Variants in MED13L observed in about 807,000 individuals in gnomAD.
MED13L encodes mediator complex subunit 13L, also known as mediator of RNA polymerase II transcription subunit 13-like.
Under a neutral mutation model 220.9 loss-of-function variants are expected in MED13L, and 7 were observed. The observed-to-expected ratio is 0.03, with a 90% CI of 0.02 to 0.06. The LOEUF (loss-of-function observed/expected upper bound fraction) is 0.06, where lower values mean the gene tolerates loss of function less well. Ranked by LOEUF, MED13L falls within the 10% of genes least tolerant of loss-of-function variation. The pLI is 1.00. For synonymous variants in MED13L, 1,011 were observed against 1,015.2 expected, an observed-to-expected ratio of 1.00 and a Z score of 0.08; for missense variants, 1,965 against 2,760.5, an observed-to-expected ratio of 0.71 and a Z score of 6.46.
At chr12:115,968,866 T>C (rs752042398) in intron 28 of MED13L, 74 bp downstream of exon 28, 16 of 1,565,758 alleles carry the variant, frequency 1.0e-5, no homozygotes, top group Non-Finnish European at 1.4e-5. Context: ...AGGAACAAGA[T>C]GATCAGATGT....
At chr12:116,021,873 T>C (rs1201067735) in intron 5 of MED13L, among the ~76,000 whole-genome samples, 1 of 152,184 alleles carries the variant, frequency 6.6e-6, no homozygotes, top group Non-Finnish European at 1.5e-5. Flanking sequence ...TTTGGTGATA[T>C]ATAGGTGGTA....
intron 1 of MED13L, chr12:116,276,768 TG>T: frequency 7.8e-7 from 1 of 1,289,692 alleles, no homozygotes; most frequent in Non-Finnish European, 1.0e-6. Context: ...CAACAGAGGG[TG>T]GGCGTTCGAA....
intron 25 of MED13L, among the ~76,000 whole-genome samples, chr12:115,973,833 A>G (rs1303542931): frequency 6.6e-6 from 1 of 152,186 alleles, no homozygotes; most frequent in East Asian, 1.9e-4. Flanking sequence ...CTTATTACTT[A>G]AAAAATTTGT....
At chr12:116,254,295 T>C (rs1321090623) in intron 1 of MED13L, among the ~76,000 whole-genome samples, 1 of 151,904 alleles carries the variant, frequency 6.6e-6, no homozygotes, top group African/African-American at 2.4e-5. Flanking sequence ...TATAAACCCA[T>C]CTATAATTGC....
intron 3 of MED13L, among the ~76,000 whole-genome samples, chr12:116,109,882 A>G (rs1251848239): frequency 6.6e-6 from 1 of 152,244 alleles, no homozygotes; most frequent in Non-Finnish European, 1.5e-5. Flanking sequence ...AAAGTTGAGA[A>G]TGAGAAATAG....
intron 3 of MED13L, among the ~76,000 whole-genome samples, chr12:116,098,989 G>A (rs1300320716): frequency 1.3e-5 from 2 of 152,062 alleles, no homozygotes; most frequent in African/African-American, 4.8e-5. Flanking sequence ...CCAAGTTTCT[G>A]CAATAATATT....
rs1031083478 is a variant in MED13L, at chr12:115,966,393, G to A, written c.6226-150C>T. ...CAACAGGTGACTGAGAAAGGTAAGC[G>A]GGGCCAGCATCGTCTTTGCTGCACA... On this transcript the variant is annotated intron_variant, in intron 28 of 30. Coordinates refer to ENST00000281928, the MANE Select transcript of MED13L (RefSeq NM_015335.5). 58 of 895,998 alleles carry A rather than the reference G, an allele frequency of 6.5e-5. 1 individual carries two copies. In the Admixed American group the frequency reaches 7.5e-4, roughly 12 times the overall value. The allele number at this position is 895,998 out of a possible 1,614,324, so 55.5% of individuals were successfully genotyped here.
At chr12:116,166,483 C>T (rs1879286083) in intron 2 of MED13L, among the ~76,000 whole-genome samples, 1 of 152,102 alleles carries the variant, frequency 6.6e-6, no homozygotes, top group East Asian at 1.9e-4. Context: ...ACTCGGGAGG[C>T]TAAGGCATGA....
At chr12:116,182,814 C>T (rs995090085) in intron 2 of MED13L, among the ~76,000 whole-genome samples, 7 of 152,146 alleles carry the variant, frequency 4.6e-5, no homozygotes, top group Admixed American at 1.3e-4. Context: ...TTCAAGGACG[C>T]CCTCCCACCT....
chr12:116,261,574 G>A (rs984654650), intron 1 of MED13L, among the ~76,000 whole-genome samples: 1 of 150,668 alleles, frequency 6.6e-6, no homozygotes, highest in Non-Finnish European at 1.5e-5. Flanking sequence ...ACTACTCCTT[G>A]CTTTAAAACT....
Position 115,980,911 on chromosome 12 carries a change from T to C in MED13L, c.5203A>G (p.Thr1735Ala). Residue 1735 changes from threonine (T) to alanine (A), a missense_variant, in exon 23 of 31, where the codon ACA (threonine) becomes GCA (alanine). This residue lies in a region of MED13L where 510 missense variants were observed against 620.4 expected (regional missense o/e 0.82). Transcript: ENST00000281928. ...QIVPCQYMLQ[T>A]MKDEQVFYIQ... ...TAGAAAACTTGCTCATCCTTCATTG[T>C]CTGCAGCATGTACTGGCAAGGCACA... The C allele has an allele frequency of 6.2e-7, 1 of 1,612,662 alleles. No individual in the cohort carries two copies. Among genetic ancestry groups the C allele is most frequent in the Non-Finnish European group, 8.5e-7 (1 of 1,179,990 alleles).
chr12:116,252,986 G>A (rs1216264317), intron 1 of MED13L, among the ~76,000 whole-genome samples: 1 of 152,132 alleles, frequency 6.6e-6, no homozygotes, highest in Non-Finnish European at 1.5e-5. Context: ...AGAGGGCCAG[G>A]CGTGATGGCT....
At position 116,148,084 on chromosome 12, in the gene MED13L, G is replaced by A. The variant is rs565161437; in HGVS notation, c.311-36572C>T. 2.7e-3 allele frequency among the ~76,000 whole-genome samples: 330 copies of A among 121,764 alleles called. 2 individuals carry two copies. Among genetic ancestry groups the A allele is most frequent in the African/African-American group, 8.9e-3 (300 of 33,528 alleles). The allele number at this position is 121,764 out of a possible 152,430, so 79.9% of individuals were successfully genotyped here. On this transcript the variant is annotated intron_variant, in intron 2 of 30. Coordinates refer to ENST00000281928, the MANE Select transcript of MED13L (RefSeq NM_015335.5). ...AAAAAAAAAAAAAAAAGAGGGGGGC[G>A]GGAGTGGAGGGGGGCGGGGGTTCAA... is the stretch of plus-strand genomic sequence containing the variant.
intron 1 of MED13L, among the ~76,000 whole-genome samples, chr12:116,250,860 A>C (rs1871486019): frequency 6.6e-6 from 1 of 151,890 alleles, no homozygotes; most frequent in South Asian, 2.1e-4. Context: ...CAAAAATGAT[A>C]ATGCCTTGTG....
chr12:116,090,126 A>G (rs1872064037), intron 4 of MED13L, among the ~76,000 whole-genome samples: 1 of 152,216 alleles, frequency 6.6e-6, no homozygotes, highest in South Asian at 2.1e-4. Context: ...TACTTCCCTC[A>G]TGCTACCAAA....
chr12:116,005,447 A>G (rs1031493115), intron 13 of MED13L, among the ~76,000 whole-genome samples: 7 of 152,240 alleles, frequency 4.6e-5, no homozygotes, highest in Non-Finnish European at 8.8e-5. Flanking sequence ...TCATATTTGC[A>G]TACCTAACCT....
intron 2 of MED13L, among the ~76,000 whole-genome samples, chr12:116,123,789 G>C (rs1028396869): frequency 2.0e-5 from 3 of 152,064 alleles, no homozygotes; most frequent in Admixed American, 1.3e-4. Flanking sequence ...TAATCTTAAA[G>C]AGCATTTTAC....
At chr12:116,151,251 T>C (rs1359211084) in intron 2 of MED13L, among the ~76,000 whole-genome samples, 1 of 152,176 alleles carries the variant, frequency 6.6e-6, no homozygotes, top group African/African-American at 2.4e-5. Flanking sequence ...TAAGAGGTCT[T>C]CATAAGGACG....
At chr12:116,189,316 C>T (rs547822073) in intron 2 of MED13L, among the ~76,000 whole-genome samples, 3 of 152,058 alleles carry the variant, frequency 2.0e-5, no homozygotes, top group South Asian at 2.1e-4. Context: ...CATATCTCTT[C>T]GTATCTTTTG....
Sources: gnomAD v4.1 joint callset for allele counts (sites outside exome capture counted in the v4.1 genomes callset) on GRCh38, gnomAD v4.1.1 for gene constraint, gnomAD v4.1.1 regional missense constraint, MANE v1.5 for transcripts, NCBI Gene and HGNC (gene_info 2026-07-23, HGNC 2026-07-21) for gene names.